Variants in MACF1 observed in about 807,000 individuals in gnomAD.
The protein encoded by MACF1 is microtubule actin crosslinking factor 1.
MACF1 carries 193 observed loss-of-function variants against 854.8 expected under a neutral mutation model. The ratio of observed to expected loss-of-function variants is 0.23; its 90% CI spans 0.20 to 0.25. MACF1 has a LOEUF of 0.25. MACF1 is among the 10% of genes least tolerant of loss of function. The pLI is 1.00. For missense variants in MACF1, 7,722 were observed against 8,929.1 expected, an observed-to-expected ratio of 0.86 and a Z score of 5.45; for synonymous variants, 3,185 against 3,226.7, an observed-to-expected ratio of 0.99 and a Z score of 0.44.
At chr1:39,265,265 G>T (rs1210282272) in intron 6 of MACF1, among the ~76,000 whole-genome samples, 1 of 152,096 alleles carries the variant, frequency 6.6e-6, no homozygotes, top group East Asian at 1.9e-4. Context: ...ATGAATGAAT[G>T]AGTTCTTTTG....
chr1:39,410,851 C>T (rs1439705341), intron 58 of MACF1: 2 of 1,614,040 alleles, frequency 1.2e-6, no homozygotes, highest in South Asian at 1.1e-5. Flanking sequence ...AACTCTGGAA[C>T]ATGTGTCCAA....
chr1:39,436,423 T>C, intron 70 of MACF1: 2 of 1,599,404 alleles, frequency 1.3e-6, no homozygotes, highest in East Asian at 2.2e-5. Context: ...TGCTGCCTGC[T>C]CCTGTCTTCC....
In MACF1 at chr1:39,291,900, T is replaced by C. The variant is rs1331936627; in HGVS notation, c.1786-10T>C. ...TAAATTATGTCATATATATATTTTT[T>C]CTTTTTCAGATGAAACTGGAGCGAG... On this transcript the variant is annotated splice_polypyrimidine_tract_variant and intron_variant, in intron 15 of 100. Transcript: ENST00000564288. The C allele has an allele frequency of 6.2e-7, 1 of 1,611,200 alleles. No individual in the cohort carries two copies.
intron 1 of MACF1, among the ~76,000 whole-genome samples, chr1:39,229,424 C>T (rs1479631014): frequency 1.3e-5 from 2 of 152,118 alleles, no homozygotes; most frequent in African/African-American, 4.8e-5. Flanking sequence ...TTTGGAATGG[C>T]AGTATGTTGG....
rs771012566 is a variant in MACF1 at position 39,459,203 on chromosome 1, T to G, written c.21314T>G (p.Leu7105Arg). 1 of 1,614,028 alleles carries G rather than the reference T, an allele frequency of 6.2e-7. No individual in the cohort carries two copies. The highest frequency in any genetic ancestry group is 8.5e-7 in the Non-Finnish European group (1 of 1,179,984). The change falls in exon 91 of 101, where the codon CTG (leucine) becomes CGG (arginine). Residue 7105 changes from leucine (L) to arginine (R), a missense_variant. Leu to Arg is a moderately radical substitution (Grantham distance 102). Around this residue, in one of 15 missense-constraint regions of MACF1, gnomAD observed 729 missense variants for 900.5 expected, o/e 0.81. Coordinates refer to ENST00000564288, the MANE Select transcript of MACF1 (RefSeq NM_001394062.1). The stretch of plus-strand genomic sequence containing the variant: ...TGGCAGCAGGTGTGGCTGTTAGCAC[T>G]GGAGCGGCAAAGGAAACTGAATGAT... Reference protein sequence around the residue: ...ARWQQVWLLALERQRKLNDAL... With the variant: ...ARWQQVWLLARERQRKLNDAL...
At chr1:39,480,495 G>A (rs1372441691) in intron 98 of MACF1, among the ~76,000 whole-genome samples, 1 of 152,158 alleles carries the variant, frequency 6.6e-6, no homozygotes, top group Non-Finnish European at 1.5e-5. Flanking sequence ...CTAGCATGGT[G>A]GTGAGCACCT....
rs751936379 is a variant in MACF1 at position 39,331,802 on chromosome 1, G to A, written c.5214G>A (p.Val1738=). The A allele has an allele frequency of 3.7e-6, 6 of 1,614,036 alleles. No individual in the cohort carries two copies. The East Asian group carries it at 1.3e-4, about 36-fold the overall frequency. The change falls in exon 37 of 101, where the codon GTG becomes GTA. Residue 1738 remains valine, a synonymous_variant. Coordinates refer to ENST00000564288, the MANE Select transcript of MACF1 (RefSeq NM_001394062.1). ...LPVKQLAGGM[V]SLKSGRKVSI... Reference sequence around the variant, plus strand: ...TCAAACAATTGGCAGGGGGGATGGTGAGCTTGAAATCAGGCCGGAAGGTTA... The same window carrying A: ...TCAAACAATTGGCAGGGGGGATGGTAAGCTTGAAATCAGGCCGGAAGGTTA...
intron 49 of MACF1, among the ~76,000 whole-genome samples, chr1:39,365,933 C>T (rs1219503086): frequency 6.6e-6 from 1 of 152,202 alleles, no homozygotes; most frequent in Non-Finnish European, 1.5e-5. Context: ...ACCTTGGCCT[C>T]CCAAAGTGCT....
At chr1:39,376,217 T>C (rs1649709907) in intron 52 of MACF1, among the ~76,000 whole-genome samples, 1 of 152,192 alleles carries the variant, frequency 6.6e-6, no homozygotes, top group Non-Finnish European at 1.5e-5. Flanking sequence ...CATGCATGTT[T>C]TATTATCATT....
At chr1:39,292,592 G>A (rs151077524) in intron 16 of MACF1, among the ~76,000 whole-genome samples, 174 bp from the exon 17 acceptor site, 263 of 152,330 alleles carry the variant, frequency 1.7e-3, no homozygotes, top group African/African-American at 6.1e-3. Flanking sequence ...TGCTCACTTA[G>A]TGCTGCTCCA....
At chr1:39,163,472 A>G (rs1026829418) in intron 2 of MACF1, among the ~76,000 whole-genome samples, 3 of 152,176 alleles carry the variant, frequency 2.0e-5, no homozygotes, top group Non-Finnish European at 4.4e-5. Flanking sequence ...AAGAATGAAA[A>G]TGCACTACTA....
At chr1:39,441,705 A>G (rs898040337) in intron 74 of MACF1, among the ~76,000 whole-genome samples, 2 of 152,168 alleles carry the variant, frequency 1.3e-5, no homozygotes, top group Non-Finnish European at 2.9e-5. Context: ...CTTCACTTTT[A>G]TTCAAATTTA....
At chr1:39,112,480 C>A (rs1175676287) in intron 2 of MACF1, among the ~76,000 whole-genome samples, 1 of 152,018 alleles carries the variant, frequency 6.6e-6, no homozygotes, top group Non-Finnish European at 1.5e-5. Context: ...GCCAGGAGTT[C>A]GAGACCAGTC....
intron 6 of MACF1, chr1:39,268,459 A>C (rs531289673): frequency 9.1e-7 from 1 of 1,104,164 alleles, no homozygotes; most frequent in Non-Finnish European, 1.1e-6. Context: ...TCTGAACTGC[A>C]GTGAGATGCT....
intron 2 of MACF1, among the ~76,000 whole-genome samples, chr1:39,138,431 A>C (rs1465445671): frequency 6.6e-6 from 1 of 151,506 alleles, no homozygotes; most frequent in African/African-American, 2.4e-5. Context: ...AAAATACAAA[A>C]AAAATTAGCC....
chr1:39,190,395 G>GTTTTTT (rs750262685), intron 2 of MACF1, among the ~76,000 whole-genome samples: 2,518 of 78,316 alleles, frequency 0.032, 226 homozygotes, highest in Non-Finnish European at 0.039. Context: ...GTGTGTGTTT[G>GTTTTTT]TTTTTGTTTT....
At chr1:39,381,860 G>T in intron 55 of MACF1, 93 bp from the exon 56 acceptor site, 1 of 869,996 alleles carries the variant, frequency 1.1e-6, no homozygotes, top group South Asian at 1.3e-5. Context: ...CGCTTCTGGG[G>T]TCATTTCCTG....
chr1:39,375,920 T>C (rs981881656), intron 52 of MACF1, among the ~76,000 whole-genome samples: 6 of 152,226 alleles, frequency 3.9e-5, no homozygotes, highest in Non-Finnish European at 8.8e-5. Context: ...CAATGAGAAC[T>C]GTGTAGATGT....
intron 40 of MACF1, among the ~76,000 whole-genome samples, chr1:39,344,444 A>AG (rs1044742103): frequency 5.3e-4 from 80 of 152,134 alleles, no homozygotes; most frequent in Non-Finnish European, 1.0e-3. Flanking sequence ...AAAAAAAAAA[A>AG]AAAATTCAGA....
Sources: allele counts gnomAD v4.1 joint callset (sites outside exome capture counted in the v4.1 genomes callset), GRCh38; gene constraint gnomAD v4.1.1; regional missense constraint gnomAD v4.1.1; transcripts MANE v1.5; gene names NCBI Gene and HGNC (gene_info 2026-07-23, HGNC 2026-07-21).